Variants in THSD7B observed in about 807,000 individuals in gnomAD.
THSD7B encodes the protein thrombospondin type 1 domain containing 7B, also known as thrombospondin type-1 domain-containing protein 7B.
In THSD7B, 138 loss-of-function variants were observed where a neutral mutation model predicts 213.6. The ratio of observed to expected loss-of-function variants is 0.65; its 90% CI spans 0.56 to 0.74. The LOEUF is 0.74. THSD7B is among the 30% of genes least tolerant of loss of function. THSD7B has a pLI of 0.00. For synonymous variants in THSD7B, 742 were observed against 687.0 expected (o/e 1.08, Z -1.25); for missense variants, 1,931 against 1,991.5 (o/e 0.97, Z 0.58).
chr2:136,898,672 C>CT (rs1377383324), intron 2 of THSD7B, among the ~76,000 whole-genome samples: 1 of 123,938 alleles, frequency 8.1e-6, no homozygotes, highest in Non-Finnish European at 1.6e-5. Context: ...GAAATGGAGT[C>CT]TCCCCCCATC....
In THSD7B at chr2:136,845,851, G is replaced by C. The variant is rs148599177; in HGVS notation, c.-35-36293G>C. 3.7e-3 allele frequency among the ~76,000 whole-genome samples: 561 copies of C among 152,256 alleles called. 14 individuals carry two copies. Among genetic ancestry groups the C allele is most frequent in the Admixed American group, 0.031 (475 of 15,290 alleles). The stretch of plus-strand genomic sequence containing the variant: ...CATCACAACTTATTCCTGAACATTT[G>C]GAAACTGAAATTAGAAGTTTCCACT... On this transcript the variant is annotated intron_variant, in intron 1 of 27. Coordinates refer to ENST00000409968, the MANE Select transcript of THSD7B (RefSeq NM_001316349.2).
In THSD7B at chr2:137,385,287, GA is replaced by G. The variant is rs542842270; in HGVS notation, c.2501-20325del. On this transcript the variant is annotated intron_variant, in intron 12 of 27. Transcript: ENST00000409968. ...TACCTAGTAGGGAGCTCTTAAGGAA[GA>G]TTGTATCAACCCATGATGAAATAAT... Among the ~76,000 whole-genome samples, 15 of 152,358 alleles carry G rather than the reference GA, an allele frequency of 9.8e-5. No homozygotes were observed. In the South Asian group the frequency reaches 3.1e-3, roughly 32 times the overall value.
In THSD7B at chr2:137,546,364, AT is replaced by A. The variant is rs1337618915; in HGVS notation, c.3139-16856del. The stretch of plus-strand genomic sequence containing the variant: ...ATTGAAGTCAGCATATATATATATT[AT>A]ATATATATATAATATATATATTATA... On this transcript the variant is annotated intron_variant, in intron 15 of 27. Coordinates refer to ENST00000409968, the MANE Select transcript of THSD7B (RefSeq NM_001316349.2). Among the ~76,000 whole-genome samples, 7 of 48,942 alleles carry A rather than the reference AT, an allele frequency of 1.4e-4. 1 individual carries two copies. The highest frequency in any genetic ancestry group is 6.7e-4 in the African/African-American group (7 of 10,434). 32.1% of individuals were successfully genotyped at this position (48,942 alleles called of 152,430 possible). A position where few individuals can be genotyped will look rare whatever the true frequency, so the allele number is the denominator to read the frequency against.
intron 17 of THSD7B, among the ~76,000 whole-genome samples, chr2:137,605,829 C>T (rs1682165707): frequency 6.6e-6 from 1 of 151,878 alleles, no homozygotes; most frequent in Non-Finnish European, 1.5e-5. Flanking sequence ...CCACCACGCC[C>T]AGCTAATTTT....
intron 6 of THSD7B, among the ~76,000 whole-genome samples, chr2:137,166,573 C>G (rs1289572616): frequency 1.3e-5 from 2 of 152,084 alleles, no homozygotes; most frequent in Non-Finnish European, 2.9e-5. Context: ...TGAGAGCACC[C>G]AAGTCCTTAA....
intron 15 of THSD7B, among the ~76,000 whole-genome samples, chr2:137,558,183 A>G (rs1681024590): frequency 6.6e-6 from 1 of 152,230 alleles, no homozygotes; most frequent in South Asian, 2.1e-4. Flanking sequence ...AATCAATAGA[A>G]AAAGAGGGAA....
intron 12 of THSD7B, among the ~76,000 whole-genome samples, chr2:137,358,763 T>C (rs1453293): frequency 0.57 from 85,978 of 152,026 alleles, 27,486 homozygotes; most frequent in East Asian, 0.78. Context: ...CCAAACACAG[T>C]ATCTCACATT....
At chr2:137,138,648 CT>C (rs1438538852) in intron 5 of THSD7B, among the ~76,000 whole-genome samples, 1 of 152,160 alleles carries the variant, frequency 6.6e-6, no homozygotes, top group Non-Finnish European at 1.5e-5. Flanking sequence ...CCAAAGATTA[CT>C]TCTCTTCATC....
At chr2:137,096,395 G>A (rs915866251) in intron 4 of THSD7B, among the ~76,000 whole-genome samples, 3 of 152,140 alleles carry the variant, frequency 2.0e-5, no homozygotes, top group Non-Finnish European at 4.4e-5. Flanking sequence ...CTGATATGAG[G>A]TGTGCATTAG....
chr2:136,950,241 G>C (rs1379290349), intron 2 of THSD7B, among the ~76,000 whole-genome samples: 1 of 151,948 alleles, frequency 6.6e-6, no homozygotes, highest in Non-Finnish European at 1.5e-5. Context: ...GACAGAGCAA[G>C]ACTCCATCTC....
intron 2 of THSD7B, among the ~76,000 whole-genome samples, chr2:136,914,248 A>G (rs1684315384): frequency 6.6e-6 from 1 of 152,124 alleles, no homozygotes; most frequent in South Asian, 2.1e-4. Flanking sequence ...GAATAGCTGT[A>G]TTTACCCAAT....
chr2:137,535,453 C>T (rs527838318), intron 15 of THSD7B, among the ~76,000 whole-genome samples: 2 of 151,852 alleles, frequency 1.3e-5, no homozygotes, highest in East Asian at 1.9e-4. Flanking sequence ...AGTGCAATGA[C>T]CACGTAGGCT....
At chr2:137,162,894 G>T (rs908737065) in intron 6 of THSD7B, among the ~76,000 whole-genome samples, 1 of 152,090 alleles carries the variant, frequency 6.6e-6, no homozygotes, top group Non-Finnish European at 1.5e-5. Context: ...CGAGTAGCTG[G>T]GATTGCAGGC....
At chr2:137,489,087 G>T (rs1688543366) in intron 15 of THSD7B, among the ~76,000 whole-genome samples, 1 of 152,122 alleles carries the variant, frequency 6.6e-6, no homozygotes, top group South Asian at 2.1e-4. Flanking sequence ...CTAACAAATA[G>T]AAATGACATA....
chr2:137,270,166 A>G (rs1682699483), intron 10 of THSD7B, among the ~76,000 whole-genome samples: 1 of 89,622 alleles, frequency 1.1e-5, no homozygotes, highest in Non-Finnish European at 2.1e-5. Context: ...GTGTGAGGCA[A>G]TACAGAGATG....
At chr2:137,372,318 A>G (rs1449863664) in intron 12 of THSD7B, among the ~76,000 whole-genome samples, 2 of 132,808 alleles carry the variant, frequency 1.5e-5, no homozygotes, top group African/African-American at 5.4e-5. Context: ...GAGTCTGATA[A>G]TACTCTTTTT....
At chr2:137,178,888 CTG>C (rs1680405449) in intron 7 of THSD7B, among the ~76,000 whole-genome samples, 1 of 152,180 alleles carries the variant, frequency 6.6e-6, no homozygotes, top group South Asian at 2.1e-4. Flanking sequence ...AAATAAATGA[CTG>C]TTCCCATCAC....
At chr2:137,509,314 TTTC>T (rs1679909949) in intron 15 of THSD7B, among the ~76,000 whole-genome samples, 1 of 151,236 alleles carries the variant, frequency 6.6e-6, no homozygotes, top group Admixed American at 6.6e-5. Context: ...TTCCTCTCTC[TTTC>T]TTTTCTCTTT....
intron 10 of THSD7B, among the ~76,000 whole-genome samples, chr2:137,253,343 T>C (rs900731068): frequency 6.6e-6 from 1 of 152,230 alleles, no homozygotes. Context: ...TCTTTACACC[T>C]GAAATGCAAT....
Sources: allele counts gnomAD v4.1 joint callset (sites outside exome capture counted in the v4.1 genomes callset), GRCh38; gene constraint gnomAD v4.1.1; transcripts MANE v1.5; gene names NCBI Gene and HGNC (gene_info 2026-07-23, HGNC 2026-07-21).